SMAP1: variants seen among roughly 807,000 people sequenced by gnomAD.
SMAP1 encodes the protein stromal membrane-associated protein 1.
A neutral mutation model predicts 58.5 loss-of-function variants in SMAP1; 24 were observed. The ratio of observed to expected loss-of-function variants is 0.41; its 90% CI spans 0.30 to 0.58. The LOEUF is 0.58. Ranked by LOEUF, SMAP1 falls within the 20% of genes least tolerant of loss-of-function variation. The pLI is 0.29. For missense variants in SMAP1, 563 were observed against 566.3 expected, an observed-to-expected ratio of 0.99 and a Z score of 0.06; for synonymous variants, 216 against 196.6, an observed-to-expected ratio of 1.10 and a Z score of -0.82.
At chr6:70,780,994 A>G (rs764944375) in intron 4 of SMAP1, among the ~76,000 whole-genome samples, 3 of 152,206 alleles carry the variant, frequency 2.0e-5, no homozygotes, top group Non-Finnish European at 4.4e-5. Context: ...AATATAAGCT[A>G]TTGTGATGGC....
intron 2 of SMAP1, among the ~76,000 whole-genome samples, chr6:70,736,252 A>G (rs541951568): frequency 2.2e-4 from 34 of 152,314 alleles, no homozygotes; most frequent in Admixed American, 2.2e-3. Flanking sequence ...TACTCACTGT[A>G]AAAAAGTCTT....
At chr6:70,696,415 CTT>C (rs1278434273) in intron 1 of SMAP1, among the ~76,000 whole-genome samples, 1 of 152,038 alleles carries the variant, frequency 6.6e-6, no homozygotes, top group African/African-American at 2.4e-5. Context: ...CTGCTTTTGT[CTT>C]ATCCTACAGG....
intron 1 of SMAP1, chr6:70,668,567 C>T (rs1562081075): frequency 6.5e-7 from 1 of 1,534,790 alleles, no homozygotes; most frequent in Non-Finnish European, 8.7e-7. Context: ...TCTGGATCCC[C>T]TCCTCTACCC....
chr6:70,768,247 G>A (rs1193100432), intron 3 of SMAP1, among the ~76,000 whole-genome samples: 1 of 152,200 alleles, frequency 6.6e-6, no homozygotes, highest in Non-Finnish European at 1.5e-5. Context: ...TTTGGTATCA[G>A]GATGATGCTG....
chr6:70,851,656 A>G (rs1771188737), intron 7 of SMAP1, among the ~76,000 whole-genome samples: 2 of 152,148 alleles, frequency 1.3e-5, no homozygotes, highest in Non-Finnish European at 1.5e-5. Flanking sequence ...AACTCGACCT[A>G]TAGCACTCCA....
Position 70,774,633 on chromosome 6 carries a change from C to T in SMAP1, c.414+1208C>T, listed in dbSNP as rs577372262. 5.9e-4 allele frequency among the ~76,000 whole-genome samples: 90 copies of T among 152,122 alleles called. 1 individual carries two copies. Among genetic ancestry groups the T allele is most frequent in the African/African-American group, 2.2e-3 (90 of 41,502 alleles). On this transcript the variant is annotated intron_variant, in intron 4 of 10. Transcript: ENST00000370455. ...GTAGCTCATGCCTGTAATCCCAGCA[C>T]TTTGGGAGGCCAAGGTGGGAGGATC...
chr6:70,714,266 G>C (rs1245667827), intron 1 of SMAP1, among the ~76,000 whole-genome samples: 1 of 151,946 alleles, frequency 6.6e-6, no homozygotes, highest in African/African-American at 2.4e-5. Context: ...TACCGTTGCT[G>C]TTTTGTTAAC....
chr6:70,717,350 T>C (rs1768316936), intron 1 of SMAP1, among the ~76,000 whole-genome samples: 1 of 152,196 alleles, frequency 6.6e-6, no homozygotes, highest in Non-Finnish European at 1.5e-5. Context: ...ACCAAGACAC[T>C]CTTGCTCTTA....
chr6:70,745,428 G>A (rs1047179490), intron 2 of SMAP1, among the ~76,000 whole-genome samples: 6 of 152,112 alleles, frequency 3.9e-5, no homozygotes, highest in African/African-American at 1.2e-4. Flanking sequence ...TATTAAATAG[G>A]GAATCCTTTC....
At chr6:70,827,221 A>G (rs1582266828) in intron 6 of SMAP1, among the ~76,000 whole-genome samples, 1 of 152,164 alleles carries the variant, frequency 6.6e-6, no homozygotes, top group East Asian at 1.9e-4. Context: ...TATCTGTGCC[A>G]TATTGTTCAA....
intron 1 of SMAP1, chr6:70,694,217 CAA>C (rs1767306039): frequency 3.6e-6 from 1 of 275,896 alleles, no homozygotes. Context: ...TAAGGCATCT[CAA>C]GAGATTTATG....
intron 2 of SMAP1, among the ~76,000 whole-genome samples, chr6:70,754,404 A>AAT (rs1491264486): frequency 6.6e-6 from 1 of 152,098 alleles, no homozygotes; most frequent in African/African-American, 2.4e-5. Flanking sequence ...ACTTATATGT[A>AAT]AAGTTTGGGC....
chr6:70,815,701 A>G (rs573665017), intron 6 of SMAP1, among the ~76,000 whole-genome samples: 66 of 152,304 alleles, frequency 4.3e-4, no homozygotes, highest in African/African-American at 1.5e-3. Flanking sequence ...AATAAGCTCA[A>G]AAGGCAGTTA....
rs1015302669 is a variant in SMAP1 at position 70,860,417 on chromosome 6, C to A, written c.*83C>A. On this transcript the variant is annotated 3_prime_UTR_variant, in exon 11 of 11. Transcript: ENST00000370455. ...TCTAGTTCCCCTGTTTATTCATATG[C>A]ATATTTTTTTTCTTTTTACCCATTT... 11 of 1,485,648 alleles carry A rather than the reference C, an allele frequency of 7.4e-6. No homozygotes were observed. In the East Asian group the frequency reaches 2.6e-4, roughly 34 times the overall value. 92.0% of individuals were successfully genotyped at this position (1,485,648 alleles called of 1,614,324 possible).
At chr6:70,782,855 C>T (rs1319644516) in intron 4 of SMAP1, among the ~76,000 whole-genome samples, 1 of 152,170 alleles carries the variant, frequency 6.6e-6, no homozygotes, top group Non-Finnish European at 1.5e-5. Flanking sequence ...TGAATAGGAA[C>T]AGCTCCGGTC....
intron 6 of SMAP1, among the ~76,000 whole-genome samples, chr6:70,823,732 T>A (rs994292599): frequency 6.6e-6 from 1 of 152,156 alleles, no homozygotes; most frequent in Non-Finnish European, 1.5e-5. Flanking sequence ...GGCTGTTTTT[T>A]AATTTGTATT....
chr6:70,788,855 G>T (rs1768208247), intron 4 of SMAP1, among the ~76,000 whole-genome samples: 1 of 152,080 alleles, frequency 6.6e-6, no homozygotes, highest in Non-Finnish European at 1.5e-5. Flanking sequence ...GATATGTGGT[G>T]GTCAGTTTTA....
At chr6:70,775,215 A>G (rs1481919483) in intron 4 of SMAP1, among the ~76,000 whole-genome samples, 2 of 152,162 alleles carry the variant, frequency 1.3e-5, no homozygotes, top group Admixed American at 1.3e-4. Context: ...GACTAACTTA[A>G]AAGTGTAATG....
chr6:70,844,073 A>G (rs1367425648), intron 7 of SMAP1, among the ~76,000 whole-genome samples: 1 of 152,174 alleles, frequency 6.6e-6, no homozygotes, highest in African/African-American at 2.4e-5. Context: ...GTGGCCTCTG[A>G]TGGATTTGCA....
Sources: gnomAD v4.1 joint callset for allele counts (sites outside exome capture counted in the v4.1 genomes callset) on GRCh38, gnomAD v4.1.1 for gene constraint, MANE v1.5 for transcripts, NCBI Gene and HGNC (gene_info 2026-07-23, HGNC 2026-07-21) for gene names.